Variants in USP53 observed in about 807,000 individuals in gnomAD.
The protein encoded by USP53 is ubiquitin carboxyl-terminal hydrolase 53.
In USP53, 71 loss-of-function variants were observed where a neutral mutation model predicts 94.9. That is an observed-to-expected ratio of 0.75 (90% CI 0.62 to 0.91). The LOEUF is 0.91. Among genes scored for constraint, USP53 ranks in the 40% least tolerant of loss-of-function variants. The pLI is 0.00. For missense variants in USP53, 1,173 were observed against 1,281.0 expected (o/e 0.92, Z 1.29); for synonymous variants, 375 against 422.7 (o/e 0.89, Z 1.39).
rs771528477 is a variant in USP53 at position 119,239,874 on chromosome 4, A to T, written c.115A>T (p.Asn39Tyr). ...TKGLLNEPGQ[N>Y]SCFLNSAVQV... ...AGGCTTGTTAAATGAACCAGGACAAAACAGCTGCTTTCTTAATAGCGCTGT... is the reference window on the plus strand; with the variant it reads ...AGGCTTGTTAAATGAACCAGGACAATACAGCTGCTTTCTTAATAGCGCTGT... Residue 39 changes from asparagine (N) to tyrosine (Y), a missense_variant, in exon 5 of 19, where the codon AAC becomes TAC. Coordinates refer to ENST00000692078, the MANE Select transcript of USP53 (RefSeq NM_001371395.1). 125 of 1,607,654 alleles carry T rather than the reference A, an allele frequency of 7.8e-5. No individual in the cohort carries two copies. Among genetic ancestry groups the T allele is most frequent in the Non-Finnish European group, 1.0e-4 (120 of 1,177,240 alleles).
intron 11 of USP53, 145 bp downstream of exon 11, chr4:119,260,798 T>C: frequency 2.4e-6 from 2 of 839,262 alleles, no homozygotes; most frequent in Non-Finnish European, 3.5e-6. Flanking sequence ...TGGCTTTCAA[T>C]TACAAACTAA....
rs201979435 is a variant in USP53, at chr4:119,261,800, G to A, written c.908G>A (p.Cys303Tyr). 882 of 1,526,386 alleles carry A rather than the reference G, an allele frequency of 5.8e-4. 12 individuals are homozygous for A. In the South Asian group the frequency reaches 0.011, roughly 18 times the overall value. 94.6% of individuals were successfully genotyped at this position (1,526,386 alleles called of 1,614,324 possible). ...GMICYTSQHYCAFAFHTKSSK... is the reference protein window; with the variant it reads ...GMICYTSQHYYAFAFHTKSSK... Reference sequence around the variant, plus strand: ...ATCTGCTACACCAGCCAACATTATTGTGCCTTTGCATTTCACACCAAAAGT... The same window carrying A: ...ATCTGCTACACCAGCCAACATTATTATGCCTTTGCATTTCACACCAAAAGT... Residue 303 changes from cysteine (C) to tyrosine (Y), a missense_variant, in exon 12 of 19, where the codon TGT becomes TAT. Cys to Tyr is a radical substitution (Grantham distance 194). Transcript: ENST00000692078.
intron 3 of USP53, among the ~76,000 whole-genome samples, chr4:119,227,951 C>T (rs1305233481): frequency 5.3e-5 from 8 of 152,102 alleles, no homozygotes; most frequent in Non-Finnish European, 7.3e-5. Context: ...AAGTATGAGT[C>T]CATTTATGAG....
intron 3 of USP53, chr4:119,220,131 T>G (rs1306974937): frequency 1.3e-5 from 2 of 152,230 alleles, no homozygotes; most frequent in Non-Finnish European, 2.9e-5. Context: ...TGTGGATATA[T>G]GTTTATAACT....
rs1351037562 is a variant in USP53, at chr4:119,295,030, A to G, written c.*1819A>G. ...CTTCAAGTTTTTTAATAGCTTTCACAGTTTGTGTAGTTTTTTTTTTCTATT... is the reference window on the plus strand; with the variant it reads ...CTTCAAGTTTTTTAATAGCTTTCACGGTTTGTGTAGTTTTTTTTTTCTATT... On this transcript the variant is annotated 3_prime_UTR_variant, in exon 19 of 19. Coordinates refer to ENST00000692078, the MANE Select transcript of USP53 (RefSeq NM_001371395.1). 3 of 151,886 alleles carry G rather than the reference A, an allele frequency of 2.0e-5. No homozygotes were observed. The highest frequency in any genetic ancestry group is 4.4e-5 in the Non-Finnish European group (3 of 67,926). The allele number at this position is 151,886 out of a possible 1,614,324, so 9.4% of individuals were successfully genotyped here. A position where few individuals can be genotyped will look rare whatever the true frequency, so the allele number is the denominator to read the frequency against.
At chr4:119,235,892 A>G (rs939020024) in intron 4 of USP53, among the ~76,000 whole-genome samples, 1 of 152,050 alleles carries the variant, frequency 6.6e-6, no homozygotes, top group Non-Finnish European at 1.5e-5. Flanking sequence ...TATACTTCCT[A>G]TCCCCTTTTC....
At chr4:119,292,002 T>C (rs1212588284) in intron 18 of USP53, among the ~76,000 whole-genome samples, 2 of 152,174 alleles carry the variant, frequency 1.3e-5, no homozygotes, top group South Asian at 2.1e-4. Context: ...GTTAACACTT[T>C]CCTCAAGTTC....
At chr4:119,260,711 T>G (rs1379672829) in intron 11 of USP53, 58 bp downstream of exon 11, 6 of 1,561,374 alleles carry the variant, frequency 3.8e-6, no homozygotes, top group Non-Finnish European at 5.3e-6. Flanking sequence ...TAAAACATCA[T>G]CCTGATGTTT....
At chr4:119,213,670 G>GTGTGTGTGTGTGTGTGTA (rs1553962030) in intron 1 of USP53, among the ~76,000 whole-genome samples, 7 of 120,560 alleles carry the variant, frequency 5.8e-5, no homozygotes, top group South Asian at 2.7e-4. Context: ...ATGTGTGTGT[G>GTGTGTGTGTGTGTGTGTA]TGTATGTATG....
At chr4:119,248,692 A>T (rs1748568403) in intron 6 of USP53, 56 bp from the exon 7 acceptor site, 1 of 1,574,220 alleles carries the variant, frequency 6.4e-7, no homozygotes, top group Non-Finnish European at 8.6e-7. Flanking sequence ...TAATGAAATT[A>T]CTGAAATGTC....
intron 9 of USP53, among the ~76,000 whole-genome samples, chr4:119,257,412 C>G (rs1346411201): frequency 6.6e-6 from 1 of 152,074 alleles, no homozygotes; most frequent in African/African-American, 2.4e-5. Context: ...TGCACTCCAG[C>G]CTGGGTGATA....
At chr4:119,250,465 G>A (rs999593478) in intron 7 of USP53, among the ~76,000 whole-genome samples, 3 of 152,124 alleles carry the variant, frequency 2.0e-5, no homozygotes, top group Non-Finnish European at 4.4e-5. Flanking sequence ...CTTGCATGTT[G>A]ATTAAAATGT....
intron 5 of USP53, among the ~76,000 whole-genome samples, chr4:119,244,370 G>T (rs1404737459): frequency 1.3e-5 from 2 of 151,886 alleles, no homozygotes; most frequent in East Asian, 1.9e-4. Flanking sequence ...AAGCCAGTTT[G>T]TTTTTATTAA....
rs1436599022 is a variant in USP53, at chr4:119,293,950, A to G, written c.*739A>G. 2 of 152,164 alleles carry G rather than the reference A, an allele frequency of 1.3e-5. No homozygotes were observed. The highest frequency in any genetic ancestry group is 4.8e-5 in the African/African-American group (2 of 41,458). The allele number at this position is 152,164 out of a possible 1,614,324, so 9.4% of individuals were successfully genotyped here. Reference sequence around the variant, plus strand: ...TGCTCCTAGAATTTTTGTCTTCAGAATATCTAGTTAAGATAAATTAGGCCT... The same window carrying G: ...TGCTCCTAGAATTTTTGTCTTCAGAGTATCTAGTTAAGATAAATTAGGCCT... On this transcript the variant is annotated 3_prime_UTR_variant, in exon 19 of 19. Coordinates refer to ENST00000692078, the MANE Select transcript of USP53 (RefSeq NM_001371395.1).
intron 17 of USP53, among the ~76,000 whole-genome samples, chr4:119,286,366 GT>G (rs956397214): frequency 2.7e-5 from 4 of 147,644 alleles, no homozygotes; most frequent in Admixed American, 6.7e-5. Context: ...TTGATACTGA[GT>G]TTTTTTTTTC....
At chr4:119,242,890 G>A (rs1225770999) in intron 5 of USP53, among the ~76,000 whole-genome samples, 1 of 152,016 alleles carries the variant, frequency 6.6e-6, no homozygotes, top group Non-Finnish European at 1.5e-5. Context: ...GTTTAGATCT[G>A]ATATAAGACA....
chr4:119,217,921 AG>A (rs1744021923), intron 3 of USP53: 1 of 152,396 alleles, frequency 6.6e-6, no homozygotes. Flanking sequence ...GGAAAGCCAA[AG>A]GTCAAGTAGT....
intron 16 of USP53, chr4:119,272,846 A>G (rs1468388901): frequency 6.6e-6 from 1 of 152,270 alleles, no homozygotes; most frequent in Admixed American, 6.5e-5. Context: ...AATCAGCCAA[A>G]TAACTTTGTG....
chr4:119,280,619 G>C (rs1173626728), intron 17 of USP53, among the ~76,000 whole-genome samples: 2 of 152,170 alleles, frequency 1.3e-5, no homozygotes, highest in Non-Finnish European at 2.9e-5. Flanking sequence ...ATACTTGAAG[G>C]CTTTTAAAAG....
Sources: gnomAD v4.1 joint callset for allele counts (sites outside exome capture counted in the v4.1 genomes callset) on GRCh38, gnomAD v4.1.1 for gene constraint, MANE v1.5 for transcripts, NCBI Gene and HGNC (gene_info 2026-07-23, HGNC 2026-07-21) for gene names.